Variants in MAGI2 observed in about 807,000 individuals in gnomAD.
MAGI2 encodes the protein membrane-associated guanylate kinase, WW and PDZ domain-containing protein 2.
Under a neutral mutation model 133.3 loss-of-function variants are expected in MAGI2, and 35 were observed. The observed-to-expected ratio is 0.26, with a 90% CI of 0.20 to 0.35. The LOEUF (loss-of-function observed/expected upper bound fraction) is 0.35, where lower values mean the gene tolerates loss of function less well. MAGI2 is among the 10% of genes least tolerant of loss of function. The pLI is 1.00. For missense variants in MAGI2, 1,636 were observed against 1,863.4 expected, an observed-to-expected ratio of 0.88 and a Z score of 2.25; for synonymous variants, 729 against 710.6, an observed-to-expected ratio of 1.03 and a Z score of -0.41.
At chr7:78,891,753 C>G (rs1007123074) in intron 2 of MAGI2, among the ~76,000 whole-genome samples, 107 of 152,260 alleles carry the variant, frequency 7.0e-4, no homozygotes, top group African/African-American at 1.4e-3. Context: ...CTATCTATGA[C>G]AAACCCACAG....
intron 16 of MAGI2, among the ~76,000 whole-genome samples, chr7:78,147,812 A>T (rs1416629288): frequency 6.6e-6 from 1 of 152,102 alleles, no homozygotes; most frequent in East Asian, 1.9e-4. Context: ...CCTGGGCAAC[A>T]TAGGGATACC....
At chr7:78,186,246 C>T (rs866727708) in intron 12 of MAGI2, among the ~76,000 whole-genome samples, 6 of 152,010 alleles carry the variant, frequency 3.9e-5, no homozygotes, top group African/African-American at 1.4e-4. Context: ...TATGCTACTT[C>T]TAATAACATA....
intron 3 of MAGI2, among the ~76,000 whole-genome samples, chr7:78,612,901 A>C (rs962197990): frequency 6.6e-6 from 1 of 151,988 alleles, no homozygotes; most frequent in Non-Finnish European, 1.5e-5. Flanking sequence ...CGATCTCCTG[A>C]CCTCGTGATC....
At chr7:79,410,753 C>A (rs986068169) in intron 1 of MAGI2, 1 of 151,956 alleles carries the variant, frequency 6.6e-6, no homozygotes, top group Non-Finnish European at 1.5e-5. Flanking sequence ...AATTACTTTC[C>A]AACTTAACTA....
intron 1 of MAGI2, among the ~76,000 whole-genome samples, chr7:79,358,658 G>A (rs189224890): frequency 6.6e-6 from 1 of 152,114 alleles, no homozygotes; most frequent in Admixed American, 6.6e-5. Flanking sequence ...TGAGAGTTAG[G>A]GGGAAGCACT....
chr7:78,100,356 C>CT (rs997304577), intron 20 of MAGI2, among the ~76,000 whole-genome samples: 1 of 152,082 alleles, frequency 6.6e-6, no homozygotes, highest in Non-Finnish European at 1.5e-5. Flanking sequence ...TGGGCCACTT[C>CT]TTTTTTTCTT....
intron 2 of MAGI2, among the ~76,000 whole-genome samples, chr7:78,715,596 T>C (rs953107543): frequency 3.3e-5 from 5 of 152,186 alleles, no homozygotes; most frequent in Non-Finnish European, 7.3e-5. Flanking sequence ...GCAGAATGAT[T>C]AGCCTAATGA....
intron 2 of MAGI2, among the ~76,000 whole-genome samples, chr7:78,881,957 CA>C (rs1218867515): frequency 6.7e-6 from 1 of 150,014 alleles, no homozygotes; most frequent in East Asian, 2.0e-4. Flanking sequence ...AAACTAAAAT[CA>C]GAGCAAAACT....
chr7:78,247,110 G>A (rs746744676), intron 10 of MAGI2, among the ~76,000 whole-genome samples: 1 of 152,128 alleles, frequency 6.6e-6, no homozygotes, highest in African/African-American at 2.4e-5. Flanking sequence ...TGCTGCAGCT[G>A]CATATTGACC....
intron 1 of MAGI2, among the ~76,000 whole-genome samples, chr7:79,088,769 A>G (rs892306883): frequency 6.6e-6 from 1 of 152,026 alleles, no homozygotes; most frequent in Non-Finnish European, 1.5e-5. Flanking sequence ...TGAGATAATC[A>G]TGTGTTTTTT....
At chr7:79,122,249 G>A (rs1026197096) in intron 1 of MAGI2, among the ~76,000 whole-genome samples, 3 of 152,098 alleles carry the variant, frequency 2.0e-5, no homozygotes, top group Non-Finnish European at 4.4e-5. Context: ...AATATGGAAC[G>A]ACCCAGAGCC....
chr7:78,493,069 G>C (rs1793767174), intron 5 of MAGI2, among the ~76,000 whole-genome samples: 2 of 152,084 alleles, frequency 1.3e-5, no homozygotes, highest in African/African-American at 4.8e-5. Context: ...TATCATATGG[G>C]CATATCCCAA....
chr7:78,054,325 C>T (rs140648820), intron 21 of MAGI2, among the ~76,000 whole-genome samples: 2,356 of 152,130 alleles, frequency 0.015, 63 homozygotes, highest in African/African-American at 0.054. Flanking sequence ...GGGGTTTCAC[C>T]ATGTTGGTCA....
intron 1 of MAGI2, among the ~76,000 whole-genome samples, chr7:79,038,030 GT>G (rs1314557473): frequency 6.6e-6 from 1 of 152,160 alleles, no homozygotes; most frequent in East Asian, 1.9e-4. Flanking sequence ...TTCATCAAGA[GT>G]CATGTAATGT....
chr7:78,332,782 T>A (rs2151156516), intron 9 of MAGI2, among the ~76,000 whole-genome samples: 1 of 152,072 alleles, frequency 6.6e-6, no homozygotes, highest in Non-Finnish European at 1.5e-5. Context: ...GTCATGTTAT[T>A]GGTCTGAGAG....
At chr7:78,602,657 A>G (rs1805331662) in intron 3 of MAGI2, among the ~76,000 whole-genome samples, 1 of 152,202 alleles carries the variant, frequency 6.6e-6, no homozygotes, top group Non-Finnish European at 1.5e-5. Context: ...GAAATGCCAG[A>G]AAAGTAATGT....
At chr7:78,601,287 A>G (rs980546729) in intron 3 of MAGI2, among the ~76,000 whole-genome samples, 3 of 152,206 alleles carry the variant, frequency 2.0e-5, no homozygotes, top group Non-Finnish European at 4.4e-5. Context: ...AAGTTAGAGA[A>G]TAATGACATA....
At chr7:78,998,858 T>G (rs141166266) in intron 2 of MAGI2, among the ~76,000 whole-genome samples, 124 of 152,238 alleles carry the variant, frequency 8.1e-4, no homozygotes, top group South Asian at 2.7e-3. Flanking sequence ...GGAATCCTAT[T>G]TTTTTCTATT....
At chr7:78,416,732 G>A (rs1798339510) in intron 6 of MAGI2, among the ~76,000 whole-genome samples, 1 of 152,088 alleles carries the variant, frequency 6.6e-6, no homozygotes, top group Admixed American at 6.6e-5. Context: ...TTTGTGAATG[G>A]AATACATGTG....
Sources: gnomAD v4.1 joint callset for allele counts (sites outside exome capture counted in the v4.1 genomes callset) on GRCh38, gnomAD v4.1.1 for gene constraint, MANE v1.5 for transcripts, NCBI Gene and HGNC (gene_info 2026-07-23, HGNC 2026-07-21) for gene names.